Variants in CSMD1 observed in about 807,000 individuals in gnomAD.
The protein encoded by CSMD1 is CUB and Sushi multiple domains 1.
In CSMD1, 213 loss-of-function variants were observed where a neutral mutation model predicts 417.5. The ratio of observed to expected loss-of-function variants is 0.51; its 90% CI spans 0.46 to 0.57. The LOEUF is 0.57. Ranked by LOEUF, CSMD1 falls within the 20% of genes least tolerant of loss-of-function variation. The pLI, the probability that CSMD1 is intolerant of heterozygous loss-of-function variation, is 0.00. For synonymous variants in CSMD1, 2,862 were observed against 1,736.8 expected (o/e 1.65, Z -16.11); for missense variants, 6,923 against 4,529.7 (o/e 1.53, Z -15.17).
intron 2 of CSMD1, among the ~76,000 whole-genome samples, chr8:4,572,683 G>C (rs538748021): frequency 6.6e-6 from 1 of 152,312 alleles, no homozygotes; most frequent in South Asian, 2.1e-4. Context: ...GAGTGAGGAA[G>C]ATCTCCTGGA....
intron 6 of CSMD1, among the ~76,000 whole-genome samples, chr8:3,709,459 G>C (rs1272799532): frequency 6.6e-6 from 1 of 152,080 alleles, no homozygotes; most frequent in East Asian, 1.9e-4. Flanking sequence ...TGCACCACAA[G>C]GTGCTCAGAC....
At chr8:4,460,568 G>C (rs184474746) in intron 2 of CSMD1, among the ~76,000 whole-genome samples, 2 of 151,120 alleles carry the variant, frequency 1.3e-5, no homozygotes, top group South Asian at 2.1e-4. Flanking sequence ...TCTTTTGCTA[G>C]ACTGTTCAAG....
intron 12 of CSMD1, among the ~76,000 whole-genome samples, chr8:3,463,115 G>T (rs7005502): frequency 0.14 from 21,439 of 152,066 alleles, 1,986 homozygotes; most frequent in East Asian, 0.32. Context: ...TTCCATTGTC[G>T]CCAAGCCAAC....
At chr8:3,597,357 C>T (rs546853719) in intron 8 of CSMD1, among the ~76,000 whole-genome samples, 2 of 150,300 alleles carry the variant, frequency 1.3e-5, no homozygotes, top group African/African-American at 2.5e-5. Context: ...CCCTCACTCT[C>T]GCTTCACTGG....
intron 26 of CSMD1, among the ~76,000 whole-genome samples, chr8:3,245,184 C>A (rs774604166): frequency 1.2e-4 from 18 of 152,206 alleles, no homozygotes; most frequent in Non-Finnish European, 2.4e-4. Context: ...GCACTCCTGT[C>A]TTCTGAGTTG....
At chr8:4,797,038 A>C (rs1798016959) in intron 1 of CSMD1, among the ~76,000 whole-genome samples, 1 of 152,178 alleles carries the variant, frequency 6.6e-6, no homozygotes, top group Admixed American at 6.5e-5. Flanking sequence ...CTGTCAGCTA[A>C]TTCTTAAGAG....
chr8:4,837,663 A>C (rs568597890), intron 1 of CSMD1, among the ~76,000 whole-genome samples: 82 of 152,314 alleles, frequency 5.4e-4, no homozygotes, highest in African/African-American at 1.9e-3. Flanking sequence ...AGGTACAAAA[A>C]AAAGTTAGAA....
chr8:4,621,084 C>T (rs186543426), intron 2 of CSMD1, among the ~76,000 whole-genome samples: 1 of 152,100 alleles, frequency 6.6e-6, no homozygotes, highest in African/African-American at 2.4e-5. Context: ...AGAATAATAA[C>T]AGCAGCTGAG....
intron 2 of CSMD1, among the ~76,000 whole-genome samples, chr8:4,514,341 G>A (rs564795718): frequency 5.3e-5 from 8 of 152,014 alleles, no homozygotes; most frequent in African/African-American, 1.4e-4. Flanking sequence ...CTCCATATAC[G>A]GCTATACTGC....
chr8:3,158,464 C>A (rs1283125798), intron 38 of CSMD1, among the ~76,000 whole-genome samples: 22 of 152,080 alleles, frequency 1.4e-4, no homozygotes, highest in Admixed American at 1.4e-3. Context: ...AGCACTGGGT[C>A]GTTTCTTTAT....
Position 2,998,004 on chromosome 8 carries a change from T to C in CSMD1, c.8377+7A>G, listed in dbSNP as rs1309187415. The C allele has an allele frequency of 5.6e-6, 9 of 1,612,414 alleles. No homozygotes were observed. Among genetic ancestry groups the C allele is most frequent in the African/African-American group, 1.3e-5 (1 of 74,916 alleles). ...GCAAAGGGCTCATTCCTGGATGCTG[T>C]TCCTACCTCGACACGTGGGCAGAGG... On this transcript the variant is annotated splice_region_variant and intron_variant, in intron 54 of 69. Transcript: ENST00000635120.
chr8:4,957,820 G>C (rs1395183537), intron 1 of CSMD1, among the ~76,000 whole-genome samples: 1 of 152,154 alleles, frequency 6.6e-6, no homozygotes, highest in Non-Finnish European at 1.5e-5. Flanking sequence ...TAAGTAGGTG[G>C]ATAGTACAAT....
At chr8:3,132,347 G>C (rs1333071021) in intron 41 of CSMD1, among the ~76,000 whole-genome samples, 1 of 150,978 alleles carries the variant, frequency 6.6e-6, no homozygotes, top group African/African-American at 2.4e-5. Context: ...CTAATACATA[G>C]ACGGCCTTCA....
intron 10 of CSMD1, among the ~76,000 whole-genome samples, chr8:3,552,789 G>T (rs144797808): frequency 1.3e-5 from 2 of 152,028 alleles, no homozygotes; most frequent in African/African-American, 4.8e-5. Context: ...TTTTAATACA[G>T]AAGACTAAGA....
intron 2 of CSMD1, among the ~76,000 whole-genome samples, chr8:4,521,097 G>C (rs1017565934): frequency 2.0e-5 from 3 of 152,112 alleles, no homozygotes; most frequent in African/African-American, 7.2e-5. Flanking sequence ...AAATGATTTT[G>C]CAATTTTCCC....
intron 30 of CSMD1, among the ~76,000 whole-genome samples, chr8:3,213,677 A>G (rs999783376): frequency 4.6e-5 from 7 of 150,918 alleles, no homozygotes. Flanking sequence ...GTAAATATAT[A>G]TGTGTGTGTG....
At chr8:3,446,702 T>C (rs1055377597) in intron 12 of CSMD1, among the ~76,000 whole-genome samples, 2 of 152,220 alleles carry the variant, frequency 1.3e-5, no homozygotes, top group African/African-American at 2.4e-5. Flanking sequence ...CACATGCCAT[T>C]CTTGAAAACT....
At chr8:4,059,194 T>C (rs1371969971) in intron 3 of CSMD1, among the ~76,000 whole-genome samples, 1 of 152,148 alleles carries the variant, frequency 6.6e-6, no homozygotes, top group African/African-American at 2.4e-5. Context: ...GAATGACTAC[T>C]GGGTACATAA....
chr8:4,444,691 G>C (rs1468355063), intron 2 of CSMD1, among the ~76,000 whole-genome samples: 1 of 152,158 alleles, frequency 6.6e-6, no homozygotes, highest in Non-Finnish European at 1.5e-5. Context: ...ACATCAAAAA[G>C]CAGGGTCACT....
Sources: allele counts gnomAD v4.1 joint callset (sites outside exome capture counted in the v4.1 genomes callset), GRCh38; gene constraint gnomAD v4.1.1; transcripts MANE v1.5; gene names NCBI Gene and HGNC (gene_info 2026-07-23, HGNC 2026-07-21).